HTT: variants seen among roughly 807,000 people sequenced by gnomAD.
HTT encodes the protein huntingtin.
Under a neutral mutation model 362.3 loss-of-function variants are expected in HTT, and 104 were observed. The observed-to-expected ratio is 0.29, with a 90% CI of 0.24 to 0.34. The LOEUF is 0.34. Ranked by LOEUF, HTT falls within the 10% of genes least tolerant of loss-of-function variation. The probability of loss-of-function intolerance (pLI) is 1.00; values close to 1 mark genes in which losing one functional copy is unlikely to be tolerated. For missense variants in HTT, 3,301 were observed against 3,928.6 expected (o/e 0.84, Z 4.27); for synonymous variants, 1,577 against 1,548.7 (o/e 1.02, Z -0.43).
intron 8 of HTT, among the ~76,000 whole-genome samples, chr4:3,119,473 G>C (rs1277816724): frequency 6.6e-6 from 1 of 152,088 alleles, no homozygotes; most frequent in Non-Finnish European, 1.5e-5. Context: ...TCTGAGTCTA[G>C]GTTATTGTGA....
At chr4:3,201,414 C>T (rs1719523530) in intron 41 of HTT, among the ~76,000 whole-genome samples, 1 of 151,648 alleles carries the variant, frequency 6.6e-6, no homozygotes, top group Non-Finnish European at 1.5e-5. Context: ...CCTGTAGTCC[C>T]TGCTACTCAG....
At chr4:3,108,036 T>C (rs1279100740) in intron 6 of HTT, among the ~76,000 whole-genome samples, 2 of 152,188 alleles carry the variant, frequency 1.3e-5, no homozygotes, top group Non-Finnish European at 2.9e-5. Flanking sequence ...GGATTAGAAT[T>C]CTGTCCTCTT....
chr4:3,234,760 G>A (rs893225826), intron 61 of HTT, among the ~76,000 whole-genome samples: 3 of 152,172 alleles, frequency 2.0e-5, no homozygotes, highest in Non-Finnish European at 2.9e-5. Context: ...CACTGGGCAC[G>A]TTTTTGTGGG....
chr4:3,225,762 C>T lies in HTT; in HGVS notation c.7848+19C>T, dbSNP rs913861756. On this transcript the variant is annotated intron_variant, in intron 57 of 66. Transcript: ENST00000355072. ...CGGCCAGGTCAGTCTCGCGCCCCCGCCGCCTGGCCTCTGTCCGTTTCTGTC... is the reference window on the plus strand; with the variant it reads ...CGGCCAGGTCAGTCTCGCGCCCCCGTCGCCTGGCCTCTGTCCGTTTCTGTC... 6.3e-7 allele frequency: 1 copy of T among 1,598,542 alleles called. No homozygotes were observed. Among genetic ancestry groups the T allele is most frequent in the Non-Finnish European group, 8.6e-7 (1 of 1,169,126 alleles).
intron 50 of HTT, among the ~76,000 whole-genome samples, chr4:3,214,376 C>A (rs1344037094): frequency 4.6e-5 from 7 of 152,112 alleles, no homozygotes; most frequent in African/African-American, 1.7e-4. Context: ...GAAGTTTCAG[C>A]TTTCATCAAA....
intron 2 of HTT, among the ~76,000 whole-genome samples, chr4:3,094,662 G>A (rs1418695645): frequency 1.6e-5 from 2 of 128,360 alleles, no homozygotes; most frequent in Admixed American, 7.4e-5. Flanking sequence ...GGGTGGCCGG[G>A]CGGGGGCTGC....
chr4:3,103,038 A>G (rs1457233816), intron 3 of HTT, among the ~76,000 whole-genome samples: 3 of 151,770 alleles, frequency 2.0e-5, no homozygotes, highest in Non-Finnish European at 4.4e-5. Context: ...CGCCTTGGGA[A>G]GTGTTCTAGG....
At chr4:3,189,218 A>G in intron 40 of HTT, 125 bp downstream of exon 40, 3 of 972,302 alleles carry the variant, frequency 3.1e-6, no homozygotes, top group East Asian at 2.5e-5. Flanking sequence ...AGTTGAAAAT[A>G]TTTGTTGCTG....
chr4:3,238,486 C>G lies in HTT; in HGVS notation c.8931C>G (p.Ala2977=), dbSNP rs1471208868. 3.7e-6 allele frequency: 6 copies of G among 1,612,836 alleles called. No homozygotes were observed. The highest frequency in any genetic ancestry group is 4.2e-6 in the Non-Finnish European group (5 of 1,179,476). ...KGFPCEARVV[A]RILPQFLDDF... ...TTCCTTGTGAAGCCAGAGTGGTGGC[C>G]AGGATCCTGCCCCAGTTTCTAGACG... Residue 2977 remains alanine, a synonymous_variant, in exon 65 of 67, where the codon GCC becomes GCG. Coordinates refer to ENST00000355072, the MANE Select transcript of HTT (RefSeq NM_001388492.1).
chr4:3,134,600 A>G, intron 19 of HTT, 60 bp downstream of exon 19: 1 of 1,442,740 alleles, frequency 6.9e-7, no homozygotes, highest in East Asian at 2.3e-5. Flanking sequence ...TTCTGGGATC[A>G]CTTGATGCAA....
At chr4:3,191,154 G>GCTTTCTTTCTTT (rs71180117) in intron 40 of HTT, among the ~76,000 whole-genome samples, 98 of 147,942 alleles carry the variant, frequency 6.6e-4, no homozygotes, top group South Asian at 1.7e-3. Flanking sequence ...TACTGCTTGA[G>GCTTTCTTTCTTT]CTTTCTTTCT....
intron 23 of HTT, among the ~76,000 whole-genome samples, chr4:3,144,904 G>A (rs555960912): frequency 6.6e-6 from 1 of 152,284 alleles, no homozygotes; most frequent in Admixed American, 6.5e-5. Flanking sequence ...AAGGGTGGGA[G>A]ATCATTCCAG....
intron 57 of HTT, among the ~76,000 whole-genome samples, chr4:3,226,169 G>A (rs749932401): frequency 1.3e-5 from 2 of 152,142 alleles, no homozygotes; most frequent in Middle Eastern, 3.4e-3. Context: ...AGTGTCCCTG[G>A]GGCCAGCTCT....
intron 5 of HTT, among the ~76,000 whole-genome samples, chr4:3,106,294 C>T (rs1006043466): frequency 6.6e-6 from 1 of 151,992 alleles, no homozygotes; most frequent in African/African-American, 2.4e-5. Context: ...AGGTGGAGGT[C>T]GTGTTGAGCC....
At chr4:3,174,821 ATG>A in intron 32 of HTT, 22 bp downstream of exon 32, 1 of 1,610,152 alleles carries the variant, frequency 6.2e-7, no homozygotes, top group Non-Finnish European at 8.5e-7. Context: ...CGTTTGTGGC[ATG>A]TGAACTCAGG....
rs1578558662 is a variant in HTT, at chr4:3,172,249, A to G, written c.3865-71A>G. On this transcript the variant is annotated intron_variant, in intron 29 of 66. Coordinates refer to ENST00000355072, the MANE Select transcript of HTT (RefSeq NM_001388492.1). ...AAATGGAAGTTATCTTGTACCTTCA[A>G]TTTCTGTCTAGGATTCGTACAATAA... is the stretch of plus-strand genomic sequence containing the variant. 11 of 880,756 alleles carry G rather than the reference A, an allele frequency of 1.2e-5. No homozygotes were observed. The East Asian group carries it at 1.4e-4, about 12-fold the overall frequency. 54.6% of individuals were successfully genotyped at this position (880,756 alleles called of 1,614,324 possible).
chr4:3,220,428 A>T, intron 53 of HTT, 120 bp downstream of exon 53: 1 of 1,020,610 alleles, frequency 9.8e-7, no homozygotes, highest in Non-Finnish European at 1.5e-6. Context: ...CATGATAATA[A>T]TACAAACCTA....
intron 29 of HTT, among the ~76,000 whole-genome samples, chr4:3,163,879 A>G (rs1021739195): frequency 1.3e-5 from 2 of 149,298 alleles, no homozygotes; most frequent in African/African-American, 5.1e-5. Context: ...CAGCACCTGG[A>G]TTCATTGATT....
rs773904416 is a variant in HTT at position 3,228,785 on chromosome 4, A to G, written c.7979+40A>G. 1 of 1,564,686 alleles carries G rather than the reference A, an allele frequency of 6.4e-7. No individual in the cohort carries two copies. The highest frequency in any genetic ancestry group is 8.7e-7 in the Non-Finnish European group (1 of 1,151,942). On this transcript the variant is annotated intron_variant, in intron 58 of 66. Coordinates refer to ENST00000355072, the MANE Select transcript of HTT (RefSeq NM_001388492.1). This position sits in a 1 kb window ranked among gnomAD's most constrained non-coding sequence, Gnocchi z 4.3. ...TTTTTCTTTTTAACAGAAATTTGAA[A>G]TTTCTTATCAGTCATTTGATTTGTT...
Sources: allele counts gnomAD v4.1 joint callset (sites outside exome capture counted in the v4.1 genomes callset), GRCh38; gene constraint gnomAD v4.1.1; non-coding constraint Gnocchi (gnomAD v3.1); transcripts MANE v1.5; gene names NCBI Gene and HGNC (gene_info 2026-07-23, HGNC 2026-07-21).